AFF4: variants seen among roughly 807,000 people sequenced by gnomAD.
AFF4 encodes AF4/FMR2 family member 4.
AFF4 carries 13 observed loss-of-function variants against 124.8 expected under a neutral mutation model. That is an observed-to-expected ratio of 0.10 (90% confidence interval 0.07 to 0.17). AFF4 has a LOEUF of 0.17. Ranked by LOEUF, AFF4 falls within the 10% of genes least tolerant of loss-of-function variation. AFF4 has a pLI of 1.00. For missense variants in AFF4, 1,092 were observed against 1,403.8 expected, an observed-to-expected ratio of 0.78 and a Z score of 3.55; for synonymous variants, 477 against 496.1, an observed-to-expected ratio of 0.96 and a Z score of 0.51.
intron 5 of AFF4, among the ~76,000 whole-genome samples, chr5:132,917,239 A>G (rs1760933987): frequency 6.6e-6 from 1 of 152,138 alleles, no homozygotes. Context: ...AATGTTATTC[A>G]CCATATTAAT....
rs1355315448 is a variant in AFF4 at position 132,886,338 on chromosome 5, T to G, written c.3071A>C (p.Tyr1024Ser). 1 of 1,614,044 alleles carries G rather than the reference T, an allele frequency of 6.2e-7. No individual in the cohort carries two copies. The highest frequency in any genetic ancestry group is 8.5e-7 in the Non-Finnish European group (1 of 1,180,010). Residue 1024 changes from tyrosine (Y) to serine (S), a missense_variant, in exon 18 of 21, where the codon TAC becomes TCC. By Grantham distance (144) the Tyr-to-Ser change is moderately radical. Transcript: ENST00000265343. ...CAGGTGCTCTGTCAGTGTCTTTGAG[T>G]ACTTCAGAGCATTTTCCTTCTTCAG... ...FKLKKENALKYSKTLTEHLKN... is the reference protein window; with the variant it reads ...FKLKKENALKSSKTLTEHLKN...
At chr5:132,911,965 T>C (rs950384936) in intron 5 of AFF4, among the ~76,000 whole-genome samples, 4 of 151,686 alleles carry the variant, frequency 2.6e-5, no homozygotes, top group Non-Finnish European at 5.9e-5. Flanking sequence ...TAGAATTCTA[T>C]AGCTGGCAAA....
At chr5:132,886,654 G>C (rs1760126947) in intron 17 of AFF4, among the ~76,000 whole-genome samples, 1 of 152,142 alleles carries the variant, frequency 6.6e-6, no homozygotes, top group South Asian at 2.1e-4. Context: ...CTTATCCATA[G>C]GACACCAACA....
rs188630185 is a variant in AFF4 at position 132,878,044 on chromosome 5, G to C, written c.*3015C>G. 1 of 222,972 alleles carries C rather than the reference G, an allele frequency of 4.5e-6. No homozygotes were observed. The allele number at this position is 222,972 out of a possible 1,614,324, so 13.8% of individuals were successfully genotyped here. A position where few individuals can be genotyped will look rare whatever the true frequency, so the allele number is the denominator to read the frequency against. On this transcript the variant is annotated 3_prime_UTR_variant, in exon 21 of 21. Transcript: ENST00000265343. ...TCTCCACTCTTCGGCAGCTGTAGCT[G>C]TAAGTTTATCTGAAGTACTCACTGC...
intron 1 of AFF4, among the ~76,000 whole-genome samples, chr5:132,949,700 A>ACACACGCG (rs775970739): frequency 1.4e-3 from 212 of 146,698 alleles, no homozygotes; most frequent in African/African-American, 4.8e-3. Flanking sequence ...ACACACACAC[A>ACACACGCG]CGCGCGCGCG....
chr5:132,915,093 C>T (rs1760877760), intron 5 of AFF4, among the ~76,000 whole-genome samples: 1 of 152,098 alleles, frequency 6.6e-6, no homozygotes, highest in African/African-American at 2.4e-5. Context: ...AATCCCAGCA[C>T]TTTGGGAGGC....
At chr5:132,894,645 C>T (rs2150071260) in intron 11 of AFF4, among the ~76,000 whole-genome samples, 1 of 152,294 alleles carries the variant, frequency 6.6e-6, no homozygotes, top group South Asian at 2.1e-4. Context: ...GCCCTTGACA[C>T]TTTATATTTT....
rs1759822410 is a variant in AFF4, at chr5:132,875,678, A to C, written c.*5381T>G. On this transcript the variant is annotated 3_prime_UTR_variant, in exon 21 of 21. Coordinates refer to ENST00000265343, the MANE Select transcript of AFF4 (RefSeq NM_014423.4). Reference sequence around the variant, plus strand: ...CTAGTTAGTATATAATACTTTGCTCACCATTAACAGCTTTATCGTGTGAAA... The same window carrying C: ...CTAGTTAGTATATAATACTTTGCTCCCCATTAACAGCTTTATCGTGTGAAA... 1 of 201,402 alleles carries C rather than the reference A, an allele frequency of 5.0e-6. No homozygotes were observed. Among genetic ancestry groups the C allele is most frequent in the South Asian group, 1.9e-4 (1 of 5,248 alleles). 12.5% of individuals were successfully genotyped at this position (201,402 alleles called of 1,614,324 possible). A position where few individuals can be genotyped will look rare whatever the true frequency, so the allele number is the denominator to read the frequency against.
chr5:132,892,034 T>C (rs1760272278), intron 13 of AFF4, 130 bp downstream of exon 13: 2 of 1,330,480 alleles, frequency 1.5e-6, no homozygotes, highest in Non-Finnish European at 2.1e-6. Flanking sequence ...TTATTACATA[T>C]AGAGGGTAAA....
chr5:132,946,021 T>C (rs548841049), intron 1 of AFF4, among the ~76,000 whole-genome samples: 32 of 149,258 alleles, frequency 2.1e-4, no homozygotes, highest in East Asian at 8.0e-4. Flanking sequence ...GATTGCACCA[T>C]TGCACTCCAG....
intron 1 of AFF4, among the ~76,000 whole-genome samples, chr5:132,950,397 C>T (rs1288999024): frequency 1.3e-5 from 2 of 152,198 alleles, no homozygotes; most frequent in South Asian, 2.1e-4. Flanking sequence ...ATCGCTTGAA[C>T]GGGAGACAGA....
intron 2 of AFF4, among the ~76,000 whole-genome samples, chr5:132,935,255 G>A (rs997544470): frequency 1.3e-5 from 2 of 152,190 alleles, no homozygotes; most frequent in Non-Finnish European, 2.9e-5. Flanking sequence ...AGGCTCCAGT[G>A]CACTATGATT....
chr5:132,914,669 G>A (rs1760868316), intron 5 of AFF4, among the ~76,000 whole-genome samples: 2 of 150,550 alleles, frequency 1.3e-5, no homozygotes, highest in Non-Finnish European at 3.0e-5. Flanking sequence ...GTGGAAATCA[G>A]TGCAATAAAA....
intron 5 of AFF4, among the ~76,000 whole-genome samples, chr5:132,912,989 A>C (rs1760828966): frequency 6.6e-6 from 1 of 152,182 alleles, no homozygotes; most frequent in Non-Finnish European, 1.5e-5. Context: ...CTAATTAAAG[A>C]GCAGAGTGTC....
intron 4 of AFF4, 134 bp downstream of exon 4, chr5:132,932,043 TG>T: frequency 1.9e-6 from 1 of 517,034 alleles, no homozygotes; most frequent in Non-Finnish European, 3.4e-6. Flanking sequence ...TTATTTATGA[TG>T]GACATAATCA....
chr5:132,899,897 A>T (rs1049438867), intron 7 of AFF4, among the ~76,000 whole-genome samples: 33 of 152,208 alleles, frequency 2.2e-4, no homozygotes, highest in Admixed American at 6.5e-5. Context: ...AACAAAAGCT[A>T]CTTTCTATAA....
At chr5:132,951,816 C>T (rs1032180815) in intron 1 of AFF4, among the ~76,000 whole-genome samples, 8 of 85,042 alleles carry the variant, frequency 9.4e-5, no homozygotes, top group Non-Finnish European at 1.6e-4. Context: ...GCATGAGCCA[C>T]CACACCCAGC....
At chr5:132,898,731 G>A (rs1419055677) in intron 9 of AFF4, among the ~76,000 whole-genome samples, 2 of 152,208 alleles carry the variant, frequency 1.3e-5, no homozygotes, top group Non-Finnish European at 2.9e-5. Flanking sequence ...TGATCCACCC[G>A]CCTCGGCCTC....
At chr5:132,884,995 C>T in intron 19 of AFF4, 81 bp downstream of exon 19, 1 of 924,508 alleles carries the variant, frequency 1.1e-6, no homozygotes, top group Non-Finnish European at 1.6e-6. Flanking sequence ...AAGTAGTCAT[C>T]TTTCCATTTT....
Sources: allele counts gnomAD v4.1 joint callset (sites outside exome capture counted in the v4.1 genomes callset), GRCh38; gene constraint gnomAD v4.1.1; transcripts MANE v1.5; gene names NCBI Gene and HGNC (gene_info 2026-07-23, HGNC 2026-07-21).